RGS7: variants seen among roughly 807,000 people sequenced by gnomAD.
The protein encoded by RGS7 is regulator of G-protein signaling 7.
In RGS7, 27 loss-of-function variants were observed where a neutral mutation model predicts 81.1. That is an observed-to-expected ratio of 0.33 (90% CI 0.25 to 0.46). RGS7 has a LOEUF of 0.46. Ranked by LOEUF, RGS7 falls within the 20% of genes least tolerant of loss-of-function variation. RGS7 has a pLI of 1.00. For missense variants in RGS7, 396 were observed against 607.4 expected (o/e 0.65, Z 3.66); for synonymous variants, 208 against 207.7 (o/e 1.00, Z -0.01).
intron 4 of RGS7, among the ~76,000 whole-genome samples, chr1:240,973,069 G>A (rs1683503045): frequency 6.6e-6 from 1 of 150,968 alleles, no homozygotes; most frequent in African/African-American, 2.4e-5. Flanking sequence ...AAAGGAGCAG[G>A]CACACAGGGT....
chr1:241,329,861 T>C (rs576104277), intron 2 of RGS7, among the ~76,000 whole-genome samples: 28 of 152,322 alleles, frequency 1.8e-4, no homozygotes, highest in Non-Finnish European at 2.9e-4. Context: ...GGCTTTCCCA[T>C]TGTATAGCAG....
intron 2 of RGS7, among the ~76,000 whole-genome samples, chr1:241,306,365 C>CCA (rs779854917): frequency 2.7e-5 from 4 of 150,282 alleles, no homozygotes; most frequent in East Asian, 2.0e-4. Flanking sequence ...ACACACATGT[C>CCA]CACACACACG....
chr1:241,292,966 G>T (rs938585964), intron 2 of RGS7, among the ~76,000 whole-genome samples: 1 of 152,144 alleles, frequency 6.6e-6, no homozygotes, highest in African/African-American at 2.4e-5. Flanking sequence ...ACCATTAAAC[G>T]CATCAGAAAA....
intron 2 of RGS7, among the ~76,000 whole-genome samples, chr1:241,180,197 C>G (rs1385760932): frequency 6.6e-6 from 1 of 151,968 alleles, no homozygotes; most frequent in Non-Finnish European, 1.5e-5. Flanking sequence ...CAGTGAAACC[C>G]TGTCTCTCTC....
In RGS7 at chr1:240,981,371, A is replaced by T. The variant is rs941982683; in HGVS notation, c.226+1708T>A. The stretch of plus-strand genomic sequence containing the variant: ...GTGATCCACCCACCTCAGCCTCCCA[A>T]AGTGCTGGGATTATAGGCATGAGTC... On this transcript the variant is annotated intron_variant, in intron 4 of 18. Transcript: ENST00000440928. Among the ~76,000 whole-genome samples the T allele has an allele frequency of 3.9e-5, 6 of 152,090 alleles. No individual in the cohort carries two copies. In the East Asian group the frequency reaches 9.6e-4, roughly 24 times the overall value.
chr1:240,929,581 G>C (rs1281996859), intron 6 of RGS7, among the ~76,000 whole-genome samples: 1 of 152,110 alleles, frequency 6.6e-6, no homozygotes, highest in East Asian at 1.9e-4. Context: ...ACACATGAGA[G>C]ATAGCTTTAT....
chr1:241,009,137 C>A (rs2058832217), intron 3 of RGS7, among the ~76,000 whole-genome samples: 1 of 152,056 alleles, frequency 6.6e-6, no homozygotes, highest in Non-Finnish European at 1.5e-5. Flanking sequence ...CCTTTTACTT[C>A]TTTTATACAA....
At chr1:240,886,215 C>G (rs1018383015) in intron 6 of RGS7, among the ~76,000 whole-genome samples, 5 of 152,074 alleles carry the variant, frequency 3.3e-5, no homozygotes, top group African/African-American at 1.2e-4. Flanking sequence ...ATTTCTCTGT[C>G]TCTTATTTAA....
intron 9 of RGS7, among the ~76,000 whole-genome samples, chr1:240,843,081 C>A (rs989522267): frequency 6.6e-6 from 1 of 151,748 alleles, no homozygotes; most frequent in Admixed American, 6.6e-5. Context: ...AGGAGAATTG[C>A]TTGAACCCAG....
At chr1:240,932,401 T>C (rs1051961546) in intron 5 of RGS7, among the ~76,000 whole-genome samples, 3 of 152,074 alleles carry the variant, frequency 2.0e-5, no homozygotes, top group African/African-American at 4.8e-5. Flanking sequence ...CTTGACTCCA[T>C]AGGAGATGAA....
chr1:240,792,828 G>C (rs1686239435), intron 18 of RGS7, among the ~76,000 whole-genome samples: 1 of 152,166 alleles, frequency 6.6e-6, no homozygotes, highest in Non-Finnish European at 1.5e-5. Context: ...CCTATGAGCA[G>C]AGGCTTTGTC....
intron 4 of RGS7, among the ~76,000 whole-genome samples, chr1:240,949,442 G>A (rs1679185901): frequency 6.6e-6 from 1 of 152,050 alleles, no homozygotes; most frequent in Non-Finnish European, 1.5e-5. Flanking sequence ...TTCACTGTCT[G>A]CTTGGTTTTA....
intron 4 of RGS7, among the ~76,000 whole-genome samples, chr1:240,974,068 G>A (rs1683696700): frequency 6.6e-6 from 1 of 152,202 alleles, no homozygotes; most frequent in African/African-American, 2.4e-5. Context: ...GCAGATGACA[G>A]ACTCTATAAT....
intron 14 of RGS7, among the ~76,000 whole-genome samples, chr1:240,808,035 CAAA>C (rs34236519): frequency 4.5e-5 from 3 of 66,596 alleles, no homozygotes; most frequent in Admixed American, 1.7e-4. Context: ...AACTTCATCT[CAAA>C]AAAAAAAAAA....
chr1:241,032,694 T>G (rs976478345), intron 3 of RGS7, among the ~76,000 whole-genome samples: 6 of 152,214 alleles, frequency 3.9e-5, no homozygotes, highest in Non-Finnish European at 1.5e-5. Flanking sequence ...CTCAGAGATC[T>G]TTCACGTCCT....
chr1:241,244,723 T>C (rs1345371983), intron 2 of RGS7, among the ~76,000 whole-genome samples: 1 of 151,878 alleles, frequency 6.6e-6, no homozygotes, highest in Non-Finnish European at 1.5e-5. Context: ...CCAACAATGA[T>C]AGACTGGATT....
intron 2 of RGS7, among the ~76,000 whole-genome samples, chr1:241,207,434 A>G (rs2073988577): frequency 6.6e-6 from 1 of 151,508 alleles, no homozygotes; most frequent in Non-Finnish European, 1.5e-5. Context: ...AAATCTGATT[A>G]TTCATTCAGT....
intron 3 of RGS7, among the ~76,000 whole-genome samples, chr1:241,005,691 C>T (rs561738034): frequency 6.6e-6 from 1 of 152,082 alleles, no homozygotes; most frequent in Non-Finnish European, 1.5e-5. Flanking sequence ...TCCATCACCA[C>T]ACCCACCTAA....
intron 14 of RGS7, among the ~76,000 whole-genome samples, chr1:240,810,244 G>T (rs1385740920): frequency 6.6e-6 from 1 of 152,064 alleles, no homozygotes; most frequent in Non-Finnish European, 1.5e-5. Flanking sequence ...TCTACCAATA[G>T]ACTGTAATTT....
Sources: allele counts gnomAD v4.1 joint callset (sites outside exome capture counted in the v4.1 genomes callset), GRCh38; gene constraint gnomAD v4.1.1; transcripts MANE v1.5; gene names NCBI Gene and HGNC (gene_info 2026-07-23, HGNC 2026-07-21).